Variants in CNKSR3 observed in about 807,000 individuals in gnomAD.
The protein encoded by CNKSR3 is connector enhancer of kinase suppressor of ras 3.
Under a neutral mutation model 67.7 loss-of-function variants are expected in CNKSR3, and 36 were observed. That is an observed-to-expected ratio of 0.53 (90% CI 0.41 to 0.70). The LOEUF (loss-of-function observed/expected upper bound fraction) is 0.70, where lower values mean the gene tolerates loss of function less well. CNKSR3 is among the 30% of genes least tolerant of loss of function. CNKSR3 has a pLI of 0.00. For missense variants in CNKSR3, 630 were observed against 695.2 expected (o/e 0.91, Z 1.05); for synonymous variants, 281 against 271.4 (o/e 1.04, Z -0.35).
At chr6:154,507,833 A>G (rs1021878611) in intron 1 of CNKSR3, among the ~76,000 whole-genome samples, 2 of 152,342 alleles carry the variant, frequency 1.3e-5, no homozygotes, top group Non-Finnish European at 2.9e-5. Context: ...CAACTAACTG[A>G]TAACGTCAAG....
In CNKSR3 at chr6:154,405,053, G is replaced by A. The variant is rs1784760506; in HGVS notation, c.*1301C>T. ...TTTTGGAGTAGGAGATTTCGGCTCT[G>A]CCTAGGAAGATACCTCAGAAAATTC... On this transcript the variant is annotated 3_prime_UTR_variant, in exon 13 of 13. Coordinates refer to ENST00000607772, the MANE Select transcript of CNKSR3 (RefSeq NM_173515.4). 6.6e-6 allele frequency: 1 copy of A among 152,168 alleles called. No homozygotes were observed. The highest frequency in any genetic ancestry group is 2.4e-5 in the African/African-American group (1 of 41,432). The allele number at this position is 152,168 out of a possible 1,614,324, so 9.4% of individuals were successfully genotyped here.
intron 1 of CNKSR3, among the ~76,000 whole-genome samples, chr6:154,465,691 T>C (rs1209203307): frequency 1.3e-5 from 2 of 152,172 alleles, no homozygotes; most frequent in Non-Finnish European, 2.9e-5. Flanking sequence ...ATTATACACA[T>C]CATTTAAGCT....
chr6:154,483,398 G>A (rs567478502), intron 1 of CNKSR3, among the ~76,000 whole-genome samples: 2 of 152,230 alleles, frequency 1.3e-5, no homozygotes, highest in African/African-American at 2.4e-5. Flanking sequence ...GCTACAACTT[G>A]ACAGTATGCC....
At chr6:154,463,784 C>T (rs964736513) in intron 1 of CNKSR3, among the ~76,000 whole-genome samples, 2 of 152,106 alleles carry the variant, frequency 1.3e-5, no homozygotes, top group African/African-American at 4.8e-5. Flanking sequence ...AGCTAAGTGA[C>T]CTCAATCAGA....
intron 2 of CNKSR3, among the ~76,000 whole-genome samples, chr6:154,446,428 T>C (rs951145232): frequency 1.1e-4 from 16 of 152,198 alleles, no homozygotes; most frequent in Non-Finnish European, 5.9e-5. Flanking sequence ...AGTTCACAAT[T>C]TTCCTAAGGC....
chr6:154,470,663 C>T (rs868109549), intron 1 of CNKSR3, among the ~76,000 whole-genome samples: 2 of 152,096 alleles, frequency 1.3e-5, no homozygotes, highest in South Asian at 4.1e-4. Flanking sequence ...ATAGATATAC[C>T]ACATTTTTAT....
At chr6:154,508,876 G>T (rs959787307) in intron 1 of CNKSR3, among the ~76,000 whole-genome samples, 6 of 152,190 alleles carry the variant, frequency 3.9e-5, no homozygotes, top group African/African-American at 1.2e-4. Context: ...AGTCACAGGC[G>T]TGAGAAATGA....
At chr6:154,451,475 ACACACACACAC>A (rs1785825990) in intron 1 of CNKSR3, among the ~76,000 whole-genome samples, 1 of 150,506 alleles carries the variant, frequency 6.6e-6, no homozygotes, top group Non-Finnish European at 1.5e-5. Context: ...CCAAACGCGC[ACACACACACAC>A]GCACACACGC....
At chr6:154,411,207 G>A in intron 10 of CNKSR3, 65 bp from the exon 11 acceptor site, 1 of 1,118,160 alleles carries the variant, frequency 8.9e-7, no homozygotes. Context: ...AAGAATTCCA[G>A]CAGTGCTGCT....
chr6:154,414,564 G>A (rs1784979553), intron 9 of CNKSR3, 141 bp from the exon 10 acceptor site: 1 of 856,208 alleles, frequency 1.2e-6, no homozygotes, highest in Non-Finnish European at 1.9e-6. Flanking sequence ...TACAGATATT[G>A]GCAATATTTA....
intron 1 of CNKSR3, among the ~76,000 whole-genome samples, chr6:154,454,134 GA>G (rs1785901441): frequency 7.0e-6 from 1 of 143,150 alleles, no homozygotes; most frequent in Non-Finnish European, 1.5e-5. Context: ...GAGAGAGAGA[GA>G]GAGAGAGAGA....
chr6:154,429,360 T>C (rs575989178), intron 6 of CNKSR3, among the ~76,000 whole-genome samples: 7 of 152,210 alleles, frequency 4.6e-5, no homozygotes, highest in Admixed American at 6.5e-5. Context: ...TCCTATCCTG[T>C]TACTTTCACT....
At chr6:154,454,992 T>C (rs1226923212) in intron 1 of CNKSR3, among the ~76,000 whole-genome samples, 1 of 152,032 alleles carries the variant, frequency 6.6e-6, no homozygotes, top group African/African-American at 2.4e-5. Context: ...TTATGATTTA[T>C]ATCAGAACGT....
At chr6:154,493,100 T>C (rs1393670626) in intron 1 of CNKSR3, among the ~76,000 whole-genome samples, 1 of 152,140 alleles carries the variant, frequency 6.6e-6, no homozygotes, top group Non-Finnish European at 1.5e-5. Context: ...TAAGCCAAAG[T>C]ACTGATCAGG....
rs554588487 is a variant in CNKSR3, at chr6:154,509,130, T to C, written c.52+933A>G. Among the ~76,000 whole-genome samples the C allele has an allele frequency of 8.6e-5, 13 of 151,640 alleles. No individual in the cohort carries two copies. The South Asian group carries it at 2.5e-3, about 29-fold the overall frequency. ...TAGTAACTTGAAACAGAGATGTCGT[T>C]GGGGGTGGGGGGAAACCATGAAAAT... On this transcript the variant is annotated intron_variant, in intron 1 of 12. Coordinates refer to ENST00000607772, the MANE Select transcript of CNKSR3 (RefSeq NM_173515.4).
At chr6:154,452,800 GAAGA>G (rs1022395683) in intron 1 of CNKSR3, among the ~76,000 whole-genome samples, 8 of 152,166 alleles carry the variant, frequency 5.3e-5, no homozygotes, top group Non-Finnish European at 1.0e-4. Flanking sequence ...GACACACACA[GAAGA>G]AAGATACGTG....
intron 1 of CNKSR3, among the ~76,000 whole-genome samples, chr6:154,461,999 G>A (rs1041305333): frequency 6.6e-6 from 1 of 152,234 alleles, no homozygotes; most frequent in East Asian, 1.9e-4. Flanking sequence ...AAACGGCTGG[G>A]GACAGCCGCC....
chr6:154,510,408 G>A lies in CNKSR3; in HGVS notation c.-294C>T, dbSNP rs1280291073. ...AGCGACGGCAGCTGCAGGCACGCCG[G>A]GCTGCGACCCCAGACCCCTGGCCTC... On this transcript the variant is annotated 5_prime_UTR_variant, in exon 1 of 13. Coordinates refer to ENST00000607772, the MANE Select transcript of CNKSR3 (RefSeq NM_173515.4). 3 of 480,582 alleles carry A rather than the reference G, an allele frequency of 6.2e-6. No individual in the cohort carries two copies. Among genetic ancestry groups the A allele is most frequent in the Non-Finnish European group, 1.1e-5 (3 of 272,292 alleles). The allele number at this position is 480,582 out of a possible 1,614,324, so 29.8% of individuals were successfully genotyped here.
Position 154,395,080 on chromosome 6 carries a change from G to C in CNKSR3, c.*11274C>G, listed in dbSNP as rs35408661. 1 of 152,208 alleles carries C rather than the reference G, an allele frequency of 6.6e-6. No homozygotes were observed. The highest frequency in any genetic ancestry group is 2.4e-5 in the African/African-American group (1 of 41,438). 9.4% of individuals were successfully genotyped at this position (152,208 alleles called of 1,614,324 possible). On this transcript the variant is annotated 3_prime_UTR_variant, in exon 13 of 13. Transcript: ENST00000607772. ...ACAGGTGGAAAAGGTCAAGTGGAAC[G>C]GAGGTGCCCAGGGCAGGAGAGCAGG...
Sources: allele counts gnomAD v4.1 joint callset (sites outside exome capture counted in the v4.1 genomes callset), GRCh38; gene constraint gnomAD v4.1.1; transcripts MANE v1.5; gene names NCBI Gene and HGNC (gene_info 2026-07-23, HGNC 2026-07-21).